BTBD16: variants seen among roughly 807,000 people sequenced by gnomAD.
The protein encoded by BTBD16 is BTB/POZ domain-containing protein 16.
A neutral mutation model predicts 67.4 loss-of-function variants in BTBD16; 66 were observed. The ratio of observed to expected loss-of-function variants is 0.98; its 90% CI spans 0.80 to 1.20. BTBD16 has a LOEUF of 1.20. BTBD16 is among the 50% of genes most tolerant of loss of function. BTBD16 has a pLI of 0.00. For missense variants in BTBD16, 634 were observed against 616.0 expected (o/e 1.03, Z -0.31); for synonymous variants, 242 against 236.4 (o/e 1.02, Z -0.22).
intron 10 of BTBD16, among the ~76,000 whole-genome samples, chr10:122,315,598 A>G (rs1030196654): frequency 6.6e-6 from 1 of 152,144 alleles, no homozygotes; most frequent in Non-Finnish European, 1.5e-5. Context: ...CTGTCTTCCT[A>G]AATATTTGGA....
chr10:122,321,300 G>A (rs2096435000), intron 10 of BTBD16, among the ~76,000 whole-genome samples: 1 of 152,172 alleles, frequency 6.6e-6, no homozygotes, highest in South Asian at 2.1e-4. Context: ...ATTGTGAATA[G>A]TGCTGTGATG....
chr10:122,329,430 A>T, intron 10 of BTBD16, 50 bp from the exon 11 acceptor site: 1 of 1,570,586 alleles, frequency 6.4e-7, no homozygotes, highest in Non-Finnish European at 8.7e-7. Context: ...AGCTAATTCC[A>T]GAGAGGAGTT....
chr10:122,283,402 A>G (rs1249662449), intron 3 of BTBD16, among the ~76,000 whole-genome samples: 4 of 152,204 alleles, frequency 2.6e-5, no homozygotes, highest in Non-Finnish European at 4.4e-5. Context: ...GATTTGGGGT[A>G]GATGCTAGGT....
At chr10:122,314,235 C>A (rs1035799669) in intron 10 of BTBD16, among the ~76,000 whole-genome samples, 3 of 152,110 alleles carry the variant, frequency 2.0e-5, no homozygotes, top group African/African-American at 7.2e-5. Flanking sequence ...TTTAAAATTT[C>A]TTGACCAGGC....
At chr10:122,286,275 G>A in intron 5 of BTBD16, 27 bp downstream of exon 5, 1 of 1,586,700 alleles carries the variant, frequency 6.3e-7, no homozygotes, top group Admixed American at 1.8e-5. Context: ...ACCCAGTGCT[G>A]GAGCCCCAGT....
chr10:122,290,033 A>T (rs139903209), intron 6 of BTBD16, 35 bp downstream of exon 6: 1 of 1,384,448 alleles, frequency 7.2e-7, no homozygotes, highest in Non-Finnish European at 1.0e-6. Context: ...TGAGAATGCC[A>T]TTGAACAAAT....
At chr10:122,330,161 G>T (rs2096452841) in intron 11 of BTBD16, among the ~76,000 whole-genome samples, 1 of 152,140 alleles carries the variant, frequency 6.6e-6, no homozygotes. Flanking sequence ...AGGTAGTTTT[G>T]TCCAAGTTGC....
chr10:122,283,700 G>A (rs1564958576), intron 3 of BTBD16, 151 bp from the exon 4 acceptor site: 3 of 630,318 alleles, frequency 4.8e-6, no homozygotes, highest in Non-Finnish European at 8.4e-6. Context: ...ATCGGCAAAT[G>A]GTGACCTGAG....
Position 122,276,923 on chromosome 10 carries a change from T to G in BTBD16, c.151T>G (p.Leu51Val). ...KALSIDFEEA[L>V]RNPDRLCISQ... is the part of the protein sequence containing the mutation. ...TCTGAGCATAGACTTTGAGGAAGCT[T>G]TGAGGAACCCAGACAGGTATGGAGA... is the stretch of plus-strand genomic sequence containing the variant. The change falls in exon 3 of 16, where the codon TTG becomes GTG. Residue 51 changes from leucine (L) to valine (V), a missense_variant. Physicochemically the swap from Leu to Val is conservative, Grantham distance 32. Coordinates refer to ENST00000260723, the MANE Select transcript of BTBD16 (RefSeq NM_144587.5). 6.2e-7 allele frequency: 1 copy of G among 1,614,062 alleles called. No individual in the cohort carries two copies. Among genetic ancestry groups the G allele is most frequent in the Non-Finnish European group, 8.5e-7 (1 of 1,179,976 alleles).
chr10:122,309,205 C>T (rs1317243481), intron 10 of BTBD16, among the ~76,000 whole-genome samples: 1 of 152,188 alleles, frequency 6.6e-6, no homozygotes, highest in Non-Finnish European at 1.5e-5. Flanking sequence ...TAGCTCACTG[C>T]AGCCTCAAAC....
At chr10:122,318,037 G>A (rs972129978) in intron 10 of BTBD16, among the ~76,000 whole-genome samples, 6 of 152,122 alleles carry the variant, frequency 3.9e-5, no homozygotes, top group South Asian at 4.2e-4. Flanking sequence ...ACGCACAGTA[G>A]GGTTTTTTTT....
chr10:122,311,796 C>G (rs1186244067), intron 10 of BTBD16, among the ~76,000 whole-genome samples: 1 of 152,208 alleles, frequency 6.6e-6, no homozygotes, highest in African/African-American at 2.4e-5. Flanking sequence ...ATCTCAGTAC[C>G]TACTTCTTCC....
At chr10:122,304,291 A>G (rs891077216) in intron 9 of BTBD16, among the ~76,000 whole-genome samples, 3 of 152,206 alleles carry the variant, frequency 2.0e-5, no homozygotes, top group African/African-American at 7.2e-5. Context: ...ATAGCATGAG[A>G]GGTGGGTGAC....
chr10:122,299,528 C>T (rs2096390003), intron 9 of BTBD16, among the ~76,000 whole-genome samples: 1 of 152,032 alleles, frequency 6.6e-6, no homozygotes, highest in Admixed American at 6.6e-5. Context: ...CTGAATAACT[C>T]TACACCCACG....
intron 7 of BTBD16, chr10:122,291,530 C>A: frequency 9.8e-6 from 2 of 204,710 alleles, no homozygotes; most frequent in Non-Finnish European, 1.9e-5. Context: ...TCAATTTCAC[C>A]TCTTCTCATT....
intron 10 of BTBD16, among the ~76,000 whole-genome samples, chr10:122,319,540 G>A (rs1056124393): frequency 6.6e-6 from 1 of 152,040 alleles, no homozygotes; most frequent in Non-Finnish European, 1.5e-5. Context: ...ATATGTGTGT[G>A]TTTATTTTGG....
chr10:122,336,094 A>T (rs560268791), intron 14 of BTBD16, among the ~76,000 whole-genome samples: 8 of 152,236 alleles, frequency 5.3e-5, no homozygotes, highest in Non-Finnish European at 1.2e-4. Context: ...TTTCTCTTCC[A>T]TGGGCCTCAG....
intron 5 of BTBD16, 52 bp downstream of exon 5, chr10:122,286,300 C>A: frequency 6.5e-7 from 1 of 1,548,402 alleles, no homozygotes; most frequent in Non-Finnish European, 8.7e-7. Flanking sequence ...TCTAGCTTGA[C>A]GGTCCCAGCT....
intron 4 of BTBD16, among the ~76,000 whole-genome samples, chr10:122,284,409 AC>A (rs1297922187): frequency 6.6e-6 from 1 of 151,948 alleles, no homozygotes; most frequent in Admixed American, 6.6e-5. Flanking sequence ...AGACTGCACC[AC>A]TGCACTCCAG....
Sources: allele counts gnomAD v4.1 joint callset (sites outside exome capture counted in the v4.1 genomes callset), GRCh38; gene constraint gnomAD v4.1.1; transcripts MANE v1.5; gene names NCBI Gene and HGNC (gene_info 2026-07-23, HGNC 2026-07-21).